Variants in FHIT observed in about 807,000 individuals in gnomAD.
FHIT encodes fragile histidine triad diadenosine triphosphatase, also known as bis(5'-adenosyl)-triphosphatase.
In FHIT, 19 loss-of-function variants were observed where a neutral mutation model predicts 17.9. The ratio of observed to expected loss-of-function variants is 1.06; its 90% CI spans 0.74 to 1.56. The LOEUF is 1.56. Ranked by LOEUF, FHIT falls within the 40% of genes most tolerant of loss-of-function variation. The pLI, the probability that FHIT is intolerant of heterozygous loss-of-function variation, is 0.00. For missense variants in FHIT, 248 were observed against 189.2 expected, an observed-to-expected ratio of 1.31 and a Z score of -1.82; for synonymous variants, 81 against 69.7, an observed-to-expected ratio of 1.16 and a Z score of -0.81.
At position 60,107,965 on chromosome 3, in the gene FHIT, A is replaced by T. The variant is rs557674892; in HGVS notation, c.104-93813T>A. 2.6e-5 allele frequency among the ~76,000 whole-genome samples: 4 copies of T among 152,332 alleles called. No individual in the cohort carries two copies. In the East Asian group the frequency reaches 7.7e-4, roughly 29 times the overall value. Reference sequence around the variant, plus strand: ...ATCATTTAATTTGAAACAAAGAAACAAATACTACTCTGGGGTTGCTGTGAA... The same window carrying T: ...ATCATTTAATTTGAAACAAAGAAACTAATACTACTCTGGGGTTGCTGTGAA... On this transcript the variant is annotated intron_variant, in intron 5 of 9. Transcript: ENST00000492590.
chr3:61,216,990 G>T (rs755968081), intron 1 of FHIT, among the ~76,000 whole-genome samples: 151 of 142,038 alleles, frequency 1.1e-3, no homozygotes, highest in Non-Finnish European at 1.8e-3. Context: ...TCTGGGGACT[G>T]TTGTGGGGTA....
intron 5 of FHIT, among the ~76,000 whole-genome samples, chr3:60,257,383 T>C (rs1706055124): frequency 6.6e-6 from 1 of 152,172 alleles, no homozygotes; most frequent in Non-Finnish European, 1.5e-5. Context: ...CAGTCATATA[T>C]TACACTGCTT....
chr3:61,166,661 C>G (rs938646173), intron 2 of FHIT, among the ~76,000 whole-genome samples: 4 of 152,214 alleles, frequency 2.6e-5, no homozygotes, highest in Non-Finnish European at 5.9e-5. Context: ...AACCAACTTT[C>G]CAAATATCCA....
intron 5 of FHIT, among the ~76,000 whole-genome samples, chr3:60,133,964 T>C (rs1048996302): frequency 6.6e-6 from 1 of 151,742 alleles, no homozygotes; most frequent in Non-Finnish European, 1.5e-5. Context: ...GAATCCTAGG[T>C]TTATTTATTA....
At chr3:60,880,997 T>C (rs530296773) in intron 3 of FHIT, among the ~76,000 whole-genome samples, 1 of 152,306 alleles carries the variant, frequency 6.6e-6, no homozygotes, top group South Asian at 2.1e-4. Context: ...ACTTAATTGA[T>C]TTAAAACAAA....
chr3:60,472,181 A>G (rs2033121985), intron 5 of FHIT, among the ~76,000 whole-genome samples: 1 of 151,968 alleles, frequency 6.6e-6, no homozygotes. Flanking sequence ...AGCAAAAACA[A>G]CAGCAAGAGG....
chr3:60,895,110 C>T (rs2107192377), intron 3 of FHIT, among the ~76,000 whole-genome samples: 1 of 152,280 alleles, frequency 6.6e-6, no homozygotes, highest in African/African-American at 2.4e-5. Flanking sequence ...CTCCTTGAAG[C>T]TGGAATACTT....
intron 4 of FHIT, among the ~76,000 whole-genome samples, chr3:60,800,111 A>G (rs1343034265): frequency 3.9e-5 from 6 of 152,218 alleles, no homozygotes; most frequent in Middle Eastern, 3.4e-3. Context: ...AATGATTTTC[A>G]AGCCCACTCA....
At chr3:61,047,752 A>G (rs1190627294) in intron 2 of FHIT, among the ~76,000 whole-genome samples, 1 of 151,714 alleles carries the variant, frequency 6.6e-6, no homozygotes, top group East Asian at 1.9e-4. Context: ...CTACCCAAAC[A>G]GCATGATACT....
intron 5 of FHIT, among the ~76,000 whole-genome samples, chr3:60,198,126 A>T (rs1702729468): frequency 1.0e-5 from 1 of 95,294 alleles, no homozygotes; most frequent in South Asian, 4.5e-4. Flanking sequence ...TTTCAAATAA[A>T]GTTTAGATGA....
intron 3 of FHIT, among the ~76,000 whole-genome samples, chr3:60,947,910 G>A (rs1553776123): frequency 6.6e-6 from 1 of 152,160 alleles, no homozygotes; most frequent in African/African-American, 2.4e-5. Context: ...GTTAGTTTCT[G>A]TTTCTTAGTG....
chr3:60,805,125 G>A (rs570594565), intron 4 of FHIT, among the ~76,000 whole-genome samples: 1 of 152,234 alleles, frequency 6.6e-6, no homozygotes, highest in Admixed American at 6.5e-5. Flanking sequence ...GCAGGATGGG[G>A]GAATCGTTTC....
At chr3:60,906,491 G>C (rs2107247805) in intron 3 of FHIT, among the ~76,000 whole-genome samples, 1 of 152,310 alleles carries the variant, frequency 6.6e-6, no homozygotes, top group East Asian at 1.9e-4. Context: ...CCACCTAGCG[G>C]CCAAAACTTT....
intron 3 of FHIT, among the ~76,000 whole-genome samples, chr3:60,906,344 C>T (rs111817135): frequency 4.0e-4 from 61 of 152,256 alleles, no homozygotes; most frequent in Admixed American, 7.8e-4. Flanking sequence ...GCGGAAGAAT[C>T]CTGTGATGTT....
chr3:60,709,900 T>C (rs568746539), intron 4 of FHIT, among the ~76,000 whole-genome samples: 15 of 152,216 alleles, frequency 9.9e-5, no homozygotes, highest in African/African-American at 3.6e-4. Flanking sequence ...GTTTGCATAA[T>C]TATAGTTTGT....
intron 1 of FHIT, among the ~76,000 whole-genome samples, chr3:61,223,878 T>C (rs2039901029): frequency 6.6e-6 from 1 of 152,190 alleles, no homozygotes; most frequent in South Asian, 2.1e-4. Context: ...CAGAATATGA[T>C]ACAGATAAGG....
chr3:60,888,482 C>G (rs1705335995), intron 3 of FHIT, among the ~76,000 whole-genome samples: 1 of 151,750 alleles, frequency 6.6e-6, no homozygotes, highest in African/African-American at 2.4e-5. Flanking sequence ...GCTGAAGATC[C>G]CTTTTAAATT....
At chr3:59,921,757 C>T (rs1705415486) in intron 8 of FHIT, among the ~76,000 whole-genome samples, 1 of 152,218 alleles carries the variant, frequency 6.6e-6, no homozygotes, top group African/African-American at 2.4e-5. Flanking sequence ...CGCAGATCAC[C>T]TGGCTCTTGC....
chr3:59,943,786 AAAG>A (rs1706656817), intron 7 of FHIT, among the ~76,000 whole-genome samples: 1 of 152,206 alleles, frequency 6.6e-6, no homozygotes, highest in South Asian at 2.1e-4. Flanking sequence ...CCTGAAAGCC[AAAG>A]GCAGCTTAAG....
Sources: gnomAD v4.1 joint callset for allele counts (sites outside exome capture counted in the v4.1 genomes callset) on GRCh38, gnomAD v4.1.1 for gene constraint, MANE v1.5 for transcripts, NCBI Gene and HGNC (gene_info 2026-07-23, HGNC 2026-07-21) for gene names.